The following GPR108 variants were observed in gnomAD, a reference collection of about 807,000 sequenced individuals.
GPR108 encodes protein GPR108.
GPR108 carries 60 observed loss-of-function variants against 74.3 expected under a neutral mutation model. The ratio of observed to expected loss-of-function variants is 0.81; its 90% CI spans 0.66 to 1.00. GPR108 has a LOEUF of 1.00. Ranked by LOEUF, GPR108 falls within the 50% of genes least tolerant of loss-of-function variation. GPR108 has a pLI of 0.00. For synonymous variants in GPR108, 311 were observed against 292.4 expected, an observed-to-expected ratio of 1.06 and a Z score of -0.65; for missense variants, 667 against 703.3, an observed-to-expected ratio of 0.95 and a Z score of 0.58.
At chr19:6,734,466 C>T (rs912219633) in intron 4 of GPR108, among the ~76,000 whole-genome samples, 159 bp from the exon 5 acceptor site, 10 of 152,314 alleles carry the variant, frequency 6.6e-5, no homozygotes, top group Non-Finnish European at 1.0e-4. Flanking sequence ...TGGTTCCCAC[C>T]GGTCAAGGAG....
chr19:6,732,689 T>A, intron 10 of GPR108, 140 bp from the exon 11 acceptor site: 1 of 722,540 alleles, frequency 1.4e-6, no homozygotes, highest in Admixed American at 2.0e-5. Flanking sequence ...TGGGTGGGAC[T>A]CAAAACTGGT....
At chr19:6,731,546 G>T (rs1481015788) in intron 14 of GPR108, 24 bp from the exon 15 acceptor site, 2 of 1,328,436 alleles carry the variant, frequency 1.5e-6, no homozygotes, top group Non-Finnish European at 1.0e-6. Context: ...CAGAGAGGGC[G>T]GTCAGGGGAG....
At chr19:6,731,575 G>A (rs1968403748) in intron 14 of GPR108, 53 bp from the exon 15 acceptor site, 1 of 481,226 alleles carries the variant, frequency 2.1e-6, no homozygotes, top group South Asian at 2.0e-5. Flanking sequence ...TGGGAGGGAG[G>A]GGAGGGGGCT....
At chr19:6,736,389 C>T (rs940003094) in intron 2 of GPR108, among the ~76,000 whole-genome samples, 5 of 152,186 alleles carry the variant, frequency 3.3e-5, no homozygotes, top group African/African-American at 9.7e-5. Context: ...TGAGCCACCG[C>T]GCCCCGCCTG....
rs750596910 is a variant in GPR108, at chr19:6,731,516, A to T, written c.1307T>A (p.Val436Glu). Reference sequence around the variant, plus strand: ...GAACAGCTTCAGCTTGGCCAGGTTCACTGCCACTGAGGGTGGGCACAGAGA... The same window carrying T: ...GAACAGCTTCAGCTTGGCCAGGTTCTCTGCCACTGAGGGTGGGCACAGAGA... ...DASGTDGKVAVNLAKLKLFRH... is the reference protein window; with the variant it reads ...DASGTDGKVAENLAKLKLFRH... Residue 436 changes from valine (V) to glutamate (E), a missense_variant, in exon 15 of 18, where the codon GTG becomes GAG. Coordinates refer to ENST00000264080, the MANE Select transcript of GPR108 (RefSeq NM_001080452.2). 24 of 1,327,754 alleles carry T rather than the reference A, an allele frequency of 1.8e-5. No homozygotes were observed. Among genetic ancestry groups the T allele is most frequent in the Non-Finnish European group, 2.4e-5 (24 of 1,016,882 alleles). The allele number at this position is 1,327,754 out of a possible 1,614,324, so 82.2% of individuals were successfully genotyped here.
Position 6,732,480 on chromosome 19 carries a change from G to A in GPR108, c.1003C>T (p.His335Tyr), listed in dbSNP as rs750486445. The A allele has an allele frequency of 9.9e-6, 16 of 1,613,688 alleles. No homozygotes were observed. Among genetic ancestry groups the A allele is most frequent in the Non-Finnish European group, 1.4e-5 (16 of 1,179,918 alleles). Reference protein sequence around the residue: ...EGLAVMYYIAHLLKGALLFIT... With the variant: ...EGLAVMYYIAYLLKGALLFIT... ...AGCAGAGTGGGGGACACTCACAGGTGTGCGATGTAGTACATGACGGCAAGG... is the reference window on the plus strand; with the variant it reads ...AGCAGAGTGGGGGACACTCACAGGTATGCGATGTAGTACATGACGGCAAGG... The change falls in exon 11 of 18, where the codon CAC becomes TAC. Residue 335 changes from histidine to tyrosine, a missense_variant. By Grantham distance (83) the His-to-Tyr change is moderately conservative. Coordinates refer to ENST00000264080, the MANE Select transcript of GPR108 (RefSeq NM_001080452.2).
chr19:6,733,650 C>T lies in GPR108; in HGVS notation c.643G>A (p.Ala215Thr), dbSNP rs764212664. The part of the protein sequence containing the change: ...FSFHVVIGSQ[A>T]EEGQYSLNFH... ...TTCAGGCTGTACTGGCCTTCTTCCG[C>T]CTGAGAGCCGATCACCACGTGGAAC... Residue 215 changes from alanine (A) to threonine (T), a missense_variant, in exon 8 of 18, where the codon GCG becomes ACG. Ala to Thr is a moderately conservative substitution (Grantham distance 58). Transcript: ENST00000264080. 2.5e-6 allele frequency: 4 copies of T among 1,614,174 alleles called. No individual in the cohort carries two copies. Among genetic ancestry groups the T allele is most frequent in the Non-Finnish European group, 1.7e-6 (2 of 1,180,014 alleles).
intron 1 of GPR108, 37 bp from the exon 2 acceptor site, chr19:6,736,748 T>C (rs1835589342): frequency 6.2e-7 from 1 of 1,612,974 alleles, no homozygotes; most frequent in Non-Finnish European, 8.5e-7. Flanking sequence ...AGTTCAGACC[T>C]CTTTCCGCCT....
rs755834018 is a variant in GPR108 at position 6,733,814 on chromosome 19, C to T, written c.618+31G>A. ...TTGGGGGTCCCGTGCTCTGGGGTGA[C>T]GGAAGGGCCGCAGGCGCTGCAAACA... On this transcript the variant is annotated intron_variant, in intron 7 of 17. Transcript: ENST00000264080. The T allele has an allele frequency of 6.6e-5, 107 of 1,612,700 alleles. No individual in the cohort carries two copies. The East Asian group carries it at 1.4e-3, about 21-fold the overall frequency.
rs1488994008 is a variant in GPR108 at position 6,733,281 on chromosome 19, GTTC to G, written c.741_743del (p.Lys247del). 3 of 1,613,694 alleles carry G rather than the reference GTTC, an allele frequency of 1.9e-6. No homozygotes were observed. The highest frequency in any genetic ancestry group is 1.1e-5 in the South Asian group (1 of 91,070). On this transcript the variant is annotated inframe_deletion, in exon 9 of 18. Coordinates refer to ENST00000264080, the MANE Select transcript of GPR108 (RefSeq NM_001080452.2). ...CCGCTGCCGACAGGAAGCCATCGGG[GTTC>G]TTCTCCCGGATCATCACCTGCGGAG...
At position 6,730,146 on chromosome 19, in the gene GPR108, G is replaced by C. The variant is rs116814438; in HGVS notation, c.*166C>G. 1.6e-4 allele frequency: 104 copies of C among 655,000 alleles called. No individual in the cohort carries two copies. Among genetic ancestry groups the C allele is most frequent in the African/African-American group, 1.6e-3 (87 of 55,164 alleles). The allele number at this position is 655,000 out of a possible 1,614,324, so 40.6% of individuals were successfully genotyped here. ...AGGGCTGCCCAATATTTGGGGGGAG[G>C]AAGGGACTCTTCTTCCAAATGGGCT... On this transcript the variant is annotated 3_prime_UTR_variant, in exon 18 of 18. Transcript: ENST00000264080.
At chr19:6,730,494 G>A in intron 17 of GPR108, 110 bp from the exon 18 acceptor site, 1 of 860,912 alleles carries the variant, frequency 1.2e-6, no homozygotes. Flanking sequence ...CAGCAGCCCT[G>A]GCCTTGCCCA....
Position 6,736,936 on chromosome 19 carries a change from G to A in GPR108, c.121-225C>T, listed in dbSNP as rs546070409. On this transcript the variant is annotated intron_variant, in intron 1 of 17. Transcript: ENST00000264080. ...AGAACCCAGGAACAGAGATCCTGCG[G>A]CACCTGGAAGTCTCCCCACTGGGGT... The A allele has an allele frequency of 6.9e-5, 40 of 582,812 alleles. 1 individual carries two copies. In the Admixed American group the frequency reaches 9.6e-4, roughly 14 times the overall value. 36.1% of individuals were successfully genotyped at this position (582,812 alleles called of 1,614,324 possible).
intron 1 of GPR108, 129 bp from the exon 2 acceptor site, chr19:6,736,840 C>T: frequency 7.6e-7 from 1 of 1,323,222 alleles, no homozygotes; most frequent in South Asian, 1.3e-5. Context: ...CAGAGGATGA[C>T]AAGAGAAAGT....
intron 2 of GPR108, 28 bp downstream of exon 2, chr19:6,736,564 C>T: frequency 6.2e-7 from 1 of 1,604,916 alleles, no homozygotes; most frequent in Non-Finnish European, 8.5e-7. Context: ...CCGTGCTCTC[C>T]TCCAGCAAAC....
Position 6,737,451 on chromosome 19 carries a change from C to G in GPR108, c.120+6G>C. 1 of 1,586,312 alleles carries G rather than the reference C, an allele frequency of 6.3e-7. No individual in the cohort carries two copies. Among genetic ancestry groups the G allele is most frequent in the Non-Finnish European group, 8.5e-7 (1 of 1,174,812 alleles). ...CGACCCCAGACCCTCGCGCGGCGGG[C>G]CTCACCGTCAGCGCCAGCTGGTGGA... is the stretch of plus-strand genomic sequence containing the variant. On this transcript the variant is annotated splice_donor_region_variant and intron_variant, in intron 1 of 17. Coordinates refer to ENST00000264080, the MANE Select transcript of GPR108 (RefSeq NM_001080452.2).
At chr19:6,733,385 C>T in intron 8 of GPR108, 84 bp from the exon 9 acceptor site, 3 of 1,441,670 alleles carry the variant, frequency 2.1e-6, no homozygotes, top group Middle Eastern at 1.9e-4. Flanking sequence ...GTCTCCAGCT[C>T]TCTCACTTTC....
intron 7 of GPR108, 54 bp from the exon 8 acceptor site, chr19:6,733,728 C>T (rs1461546483): frequency 1.1e-5 from 18 of 1,582,602 alleles, no homozygotes; most frequent in Middle Eastern, 1.7e-4. Flanking sequence ...TGGTCTGGGG[C>T]GACAATCAGC....
chr19:6,736,889 G>A, intron 1 of GPR108, 178 bp from the exon 2 acceptor site: 1 of 800,896 alleles, frequency 1.2e-6, no homozygotes, highest in Admixed American at 2.9e-5. Context: ...GGGTGGTCCT[G>A]CATTCTCCGA....
Sources: gnomAD v4.1 joint callset for allele counts (sites outside exome capture counted in the v4.1 genomes callset) on GRCh38, gnomAD v4.1.1 for gene constraint, MANE v1.5 for transcripts, NCBI Gene and HGNC (gene_info 2026-07-23, HGNC 2026-07-21) for gene names.